The following JAM2 variants were observed in gnomAD, a reference collection of about 807,000 sequenced individuals.
JAM2 encodes junctional adhesion molecule 2.
JAM2 carries 17 observed loss-of-function variants against 42.0 expected under a neutral mutation model. The ratio of observed to expected loss-of-function variants is 0.40; its 90% CI spans 0.28 to 0.61. The LOEUF is 0.61. Among genes scored for constraint, JAM2 ranks in the 20% least tolerant of loss-of-function variants. The pLI is 0.37. For missense variants in JAM2, 319 were observed against 358.3 expected (o/e 0.89, Z 0.89); for synonymous variants, 118 against 128.6 (o/e 0.92, Z 0.56).
Position 25,693,812 on chromosome 21 carries a change from A to G in JAM2, c.298A>G (p.Thr100Ala), listed in dbSNP as rs1311894007. ...IDFNIRIKNVTRSDAGKYRCE... is the reference protein window; with the variant it reads ...IDFNIRIKNVARSDAGKYRCE... ...TTTCAATATCCGGATCAAAAATGTGACAAGAAGTGATGCGGGGAAATATCG... is the reference window on the plus strand; with the variant it reads ...TTTCAATATCCGGATCAAAAATGTGGCAAGAAGTGATGCGGGGAAATATCG... The change falls in exon 4 of 10, where the codon ACA (threonine) becomes GCA (alanine). Residue 100 changes from threonine to alanine, a missense_variant. Coordinates refer to ENST00000480456, the MANE Select transcript of JAM2 (RefSeq NM_021219.4). The G allele has an allele frequency of 6.2e-7, 1 of 1,614,150 alleles. No individual in the cohort carries two copies. The highest frequency in any genetic ancestry group is 8.5e-7 in the Non-Finnish European group (1 of 1,179,984).
intron 1 of JAM2, among the ~76,000 whole-genome samples, chr21:25,665,791 A>C (rs2033202357): frequency 7.2e-5 from 11 of 152,180 alleles, no homozygotes; most frequent in Admixed American, 7.2e-4. Context: ...CTGTAATCCC[A>C]GCACTTTGGG....
intron 2 of JAM2, among the ~76,000 whole-genome samples, chr21:25,685,524 C>CAAAAAAAA (rs776114627): frequency 2.0e-5 from 1 of 50,426 alleles, no homozygotes; most frequent in African/African-American, 9.1e-5. Flanking sequence ...GAGAATGTCT[C>CAAAAAAAA]AAAAAAAAAA....
At chr21:25,650,372 C>A (rs2032738366) in intron 1 of JAM2, among the ~76,000 whole-genome samples, 1 of 152,082 alleles carries the variant, frequency 6.6e-6, no homozygotes, top group South Asian at 2.1e-4. Context: ...AAAAAATTAC[C>A]CCTGGATCCA....
chr21:25,647,312 G>A (rs1312476933), intron 1 of JAM2, among the ~76,000 whole-genome samples: 1 of 152,082 alleles, frequency 6.6e-6, no homozygotes, highest in African/African-American at 2.4e-5. Context: ...CCATCCTTAA[G>A]TTTCCTGCAA....
chr21:25,651,594 C>G (rs866818788), intron 1 of JAM2, among the ~76,000 whole-genome samples: 2 of 152,158 alleles, frequency 1.3e-5, no homozygotes, highest in African/African-American at 4.8e-5. Context: ...TATATTTGCC[C>G]TTTGACCCAT....
chr21:25,656,750 G>A (rs1385409309), intron 1 of JAM2, among the ~76,000 whole-genome samples: 1 of 152,218 alleles, frequency 6.6e-6, no homozygotes, highest in Non-Finnish European at 1.5e-5. Context: ...CTTAATTTTA[G>A]AGTGGAAGCA....
At position 25,716,893 on chromosome 21, in the gene JAM2, T is replaced by A. The variant is rs746956040; in HGVS notation, c.*2221T>A. Reference sequence around the variant, plus strand: ...TGCATTGGCATGCCAAGAGGATAGATGACTCTGAAAGACGCCTCTTCAGAC... The same window carrying A: ...TGCATTGGCATGCCAAGAGGATAGAAGACTCTGAAAGACGCCTCTTCAGAC... On this transcript the variant is annotated 3_prime_UTR_variant, in exon 10 of 10. Transcript: ENST00000480456. 6.6e-6 allele frequency: 1 copy of A among 152,354 alleles called. No individual in the cohort carries two copies. The highest frequency in any genetic ancestry group is 2.4e-5 in the African/African-American group (1 of 41,592). 9.4% of individuals were successfully genotyped at this position (152,354 alleles called of 1,614,324 possible). A position where few individuals can be genotyped will look rare whatever the true frequency, so the allele number is the denominator to read the frequency against.
intron 2 of JAM2, 120 bp downstream of exon 2, chr21:25,684,068 C>A: frequency 1.7e-6 from 1 of 589,968 alleles, no homozygotes; most frequent in Non-Finnish European, 2.8e-6. Context: ...AATTCCTCTG[C>A]CTGAAATGCT....
At chr21:25,714,251 A>T (rs1358061318) in intron 9 of JAM2, 1 of 1,296,346 alleles carries the variant, frequency 7.7e-7, no homozygotes, top group Non-Finnish European at 1.0e-6. Context: ...TCACGCCTGT[A>T]ATCCCAGCAC....
chr21:25,677,499 T>A (rs1235715922), intron 1 of JAM2, among the ~76,000 whole-genome samples: 1 of 152,170 alleles, frequency 6.6e-6, no homozygotes, highest in East Asian at 1.9e-4. Flanking sequence ...AGTAGAAAAC[T>A]GTAATTGAGA....
In JAM2 at chr21:25,639,582, AC is replaced by A; in HGVS notation, c.-235del. The A allele has an allele frequency of 2.6e-6, 1 of 381,342 alleles. No individual in the cohort carries two copies. The highest frequency in any genetic ancestry group is 4.6e-6 in the Non-Finnish European group (1 of 216,694). The allele number at this position is 381,342 out of a possible 1,614,324, so 23.6% of individuals were successfully genotyped here. ...CACGCCCTCTAGCCCCTACCCCCACACCCCCAAAACAGAACAGACCCCCATC... is the reference window on the plus strand; with the variant it reads ...CACGCCCTCTAGCCCCTACCCCCACACCCCAAAACAGAACAGACCCCCATC... On this transcript the variant is annotated 5_prime_UTR_variant, in exon 1 of 10. Transcript: ENST00000480456.
chr21:25,688,508 A>C (rs1029288142), intron 2 of JAM2, among the ~76,000 whole-genome samples: 171 of 152,342 alleles, frequency 1.1e-3, no homozygotes, highest in African/African-American at 3.9e-3. Context: ...TCAACAGAAA[A>C]GAACTGTGTT....
chr21:25,661,351 T>C (rs1375791325), intron 1 of JAM2, among the ~76,000 whole-genome samples: 1 of 152,036 alleles, frequency 6.6e-6, no homozygotes, highest in African/African-American at 2.4e-5. Context: ...TAGTCCTAGC[T>C]ACTTGGAAGG....
intron 1 of JAM2, among the ~76,000 whole-genome samples, chr21:25,673,990 T>A (rs2033422527): frequency 6.6e-6 from 1 of 152,214 alleles, no homozygotes; most frequent in South Asian, 2.1e-4. Context: ...TGGCTCTCAT[T>A]CTCTCTTGAC....
chr21:25,642,868 T>C (rs1347132989), intron 1 of JAM2, among the ~76,000 whole-genome samples: 1 of 152,232 alleles, frequency 6.6e-6, no homozygotes, highest in Middle Eastern at 3.2e-3. Flanking sequence ...ACAACGTTTA[T>C]TTCTCACAGC....
chr21:25,667,939 C>T (rs1231346832), intron 1 of JAM2, among the ~76,000 whole-genome samples: 4 of 151,920 alleles, frequency 2.6e-5, no homozygotes, highest in Non-Finnish European at 5.9e-5. Context: ...TCAGGAATGT[C>T]GAAGGGGAAA....
In JAM2 at chr21:25,716,592, T is replaced by A. The variant is rs2035798766; in HGVS notation, c.*1920T>A. On this transcript the variant is annotated 3_prime_UTR_variant, in exon 10 of 10. Coordinates refer to ENST00000480456, the MANE Select transcript of JAM2 (RefSeq NM_021219.4). ...AGAGCCAGAAAGTAGATATTTTAAGTCATAAGGTCCCTGTTAACAACTACT... is the reference window on the plus strand; with the variant it reads ...AGAGCCAGAAAGTAGATATTTTAAGACATAAGGTCCCTGTTAACAACTACT... 1 of 152,148 alleles carries A rather than the reference T, an allele frequency of 6.6e-6. No homozygotes were observed. The highest frequency in any genetic ancestry group is 2.1e-4 in the South Asian group (1 of 4,836). The allele number at this position is 152,148 out of a possible 1,614,324, so 9.4% of individuals were successfully genotyped here.
At chr21:25,667,302 A>G (rs1056779882) in intron 1 of JAM2, among the ~76,000 whole-genome samples, 7 of 152,228 alleles carry the variant, frequency 4.6e-5, no homozygotes, top group Non-Finnish European at 1.0e-4. Flanking sequence ...GATCACTTGA[A>G]GCAGATGATT....
intron 1 of JAM2, among the ~76,000 whole-genome samples, chr21:25,670,493 A>T (rs1051253641): frequency 1.6e-4 from 23 of 146,292 alleles, no homozygotes; most frequent in South Asian, 1.1e-3. Flanking sequence ...GTCAAAATTT[A>T]AAAAAAAAAA....
Sources: gnomAD v4.1 joint callset for allele counts (sites outside exome capture counted in the v4.1 genomes callset) on GRCh38, gnomAD v4.1.1 for gene constraint, MANE v1.5 for transcripts, NCBI Gene and HGNC (gene_info 2026-07-23, HGNC 2026-07-21) for gene names.